The following PSMA1 variants were observed in gnomAD, a reference collection of about 807,000 sequenced individuals.
PSMA1 encodes the protein proteasome 20S subunit alpha 1.
Under a neutral mutation model 38.4 loss-of-function variants are expected in PSMA1, and 3 were observed. The ratio of observed to expected loss-of-function variants is 0.08; its 90% CI spans 0.04 to 0.20. The LOEUF is 0.20. Ranked by LOEUF, PSMA1 falls within the 10% of genes least tolerant of loss-of-function variation. The probability of loss-of-function intolerance (pLI) is 1.00; values close to 1 mark genes in which losing one functional copy is unlikely to be tolerated. For synonymous variants in PSMA1, 101 were observed against 107.1 expected, an observed-to-expected ratio of 0.94 and a Z score of 0.35; for missense variants, 227 against 325.3, an observed-to-expected ratio of 0.70 and a Z score of 2.32.
intron 2 of PSMA1, among the ~76,000 whole-genome samples, chr11:14,606,053 T>C (rs1852638796): frequency 6.6e-6 from 1 of 152,262 alleles, no homozygotes; most frequent in Admixed American, 6.5e-5. Flanking sequence ...TTAATTTCTG[T>C]ATATGGTAAA....
intron 2 of PSMA1, among the ~76,000 whole-genome samples, chr11:14,539,106 A>G (rs1158492047): frequency 6.6e-6 from 1 of 152,178 alleles, no homozygotes; most frequent in Non-Finnish European, 1.5e-5. Context: ...GGGAATTTCA[A>G]CAGAAGGTAA....
intron 2 of PSMA1, among the ~76,000 whole-genome samples, chr11:14,570,146 T>G (rs1382223505): frequency 6.6e-6 from 1 of 152,124 alleles, no homozygotes; most frequent in Non-Finnish European, 1.5e-5. Flanking sequence ...CAGCTGAGGG[T>G]CCTGACTGTT....
At chr11:14,615,339 T>G (rs1188368315) in intron 1 of PSMA1, among the ~76,000 whole-genome samples, 3 of 152,206 alleles carry the variant, frequency 2.0e-5, no homozygotes, top group Non-Finnish European at 4.4e-5. Flanking sequence ...TCCTCAGAGG[T>G]TGACCTCTTT....
intron 2 of PSMA1, among the ~76,000 whole-genome samples, chr11:14,571,173 C>T (rs986574608): frequency 6.6e-6 from 1 of 152,216 alleles, no homozygotes; most frequent in African/African-American, 2.4e-5. Context: ...CGCCATTCTC[C>T]TGCCTCAGCC....
intron 2 of PSMA1, among the ~76,000 whole-genome samples, chr11:14,565,692 A>G (rs78695627): frequency 0.068 from 10,289 of 152,274 alleles, 447 homozygotes; most frequent in East Asian, 0.13. Flanking sequence ...AAAGATCTCT[A>G]TCTTTGTGGA....
At chr11:14,515,126 C>T (rs1029778998) in intron 4 of PSMA1, among the ~76,000 whole-genome samples, 21 of 152,178 alleles carry the variant, frequency 1.4e-4, no homozygotes, top group African/African-American at 5.1e-4. Flanking sequence ...CTCAATGTTG[C>T]TTTGTCCAGT....
chr11:14,635,162 G>T (rs1853095886), intron 1 of PSMA1, among the ~76,000 whole-genome samples: 1 of 152,072 alleles, frequency 6.6e-6, no homozygotes, highest in Non-Finnish European at 1.5e-5. Context: ...AAAAAGGAGG[G>T]TCTCTAAGGA....
At chr11:14,641,846 T>C (rs1050956704) in intron 1 of PSMA1, among the ~76,000 whole-genome samples, 1 of 152,222 alleles carries the variant, frequency 6.6e-6, no homozygotes, top group Non-Finnish European at 1.5e-5. Context: ...TAAGGATGCC[T>C]ATGTATTTTT....
chr11:14,561,248 A>G (rs1040919936), intron 2 of PSMA1, among the ~76,000 whole-genome samples: 5 of 152,206 alleles, frequency 3.3e-5, no homozygotes, highest in African/African-American at 1.2e-4. Context: ...ATTTTCCTTC[A>G]CCATGCTGAC....
intron 7 of PSMA1, among the ~76,000 whole-genome samples, chr11:14,511,272 A>G (rs189639694): frequency 2.0e-5 from 3 of 152,314 alleles, no homozygotes; most frequent in East Asian, 3.9e-4. Flanking sequence ...CCTAGTCCTT[A>G]TATTTGCTCA....
chr11:14,572,251 C>T (rs527399265), intron 2 of PSMA1, among the ~76,000 whole-genome samples: 1 of 152,184 alleles, frequency 6.6e-6, no homozygotes, highest in East Asian at 1.9e-4. Flanking sequence ...CAAAATTGAC[C>T]ACATATTTGG....
chr11:14,592,178 C>A (rs959983086), intron 2 of PSMA1, among the ~76,000 whole-genome samples: 1 of 152,054 alleles, frequency 6.6e-6, no homozygotes, highest in Admixed American at 6.6e-5. Flanking sequence ...AAACTCCAGA[C>A]GCGCCACCTT....
At position 14,517,997 on chromosome 11, in the gene PSMA1, A is replaced by G; in HGVS notation, c.49-16T>C. The stretch of plus-strand genomic sequence containing the variant: ...GAATCCTGCCCTAAAGAAAAAAAAA[A>G]CAAAAAACACACATCTTAGAAGATC... On this transcript the variant is annotated splice_polypyrimidine_tract_variant and intron_variant, in intron 2 of 9. Transcript: ENST00000396394. The G allele has an allele frequency of 1.3e-6, 2 of 1,505,184 alleles. No individual in the cohort carries two copies. Among genetic ancestry groups the G allele is most frequent in the Middle Eastern group, 1.8e-4 (1 of 5,684 alleles). 93.2% of individuals were successfully genotyped at this position (1,505,184 alleles called of 1,614,324 possible).
At chr11:14,549,424 G>A (rs537496292) in intron 2 of PSMA1, among the ~76,000 whole-genome samples, 106 of 152,142 alleles carry the variant, frequency 7.0e-4, no homozygotes, top group African/African-American at 2.0e-3. Context: ...ATTCTTGGCC[G>A]GGCGTGGTGG....
At chr11:14,509,992 G>C (rs1589977086) in intron 8 of PSMA1, among the ~76,000 whole-genome samples, 1 of 152,168 alleles carries the variant, frequency 6.6e-6, no homozygotes, top group Non-Finnish European at 1.5e-5. Context: ...CAAAGTGCTG[G>C]GATTACAGGC....
intron 2 of PSMA1, among the ~76,000 whole-genome samples, chr11:14,587,219 T>A (rs1233076241): frequency 6.6e-6 from 1 of 152,206 alleles, no homozygotes; most frequent in Non-Finnish European, 1.5e-5. Context: ...CTTGATAGGT[T>A]AAAGCAATGA....
At chr11:14,505,393 T>G in intron 9 of PSMA1, 145 bp from the exon 10 acceptor site, 1 of 702,602 alleles carries the variant, frequency 1.4e-6, no homozygotes, top group East Asian at 2.7e-5. Flanking sequence ...ACTGTCCTGT[T>G]AACATTTCTG....
chr11:14,550,381 C>T (rs140649826), intron 2 of PSMA1, among the ~76,000 whole-genome samples: 2 of 152,128 alleles, frequency 1.3e-5, no homozygotes, highest in Non-Finnish European at 2.9e-5. Flanking sequence ...TCATATACTG[C>T]CTTTGGAATC....
chr11:14,588,416 A>G (rs1852374266), intron 2 of PSMA1, among the ~76,000 whole-genome samples: 2 of 152,168 alleles, frequency 1.3e-5, no homozygotes, highest in Non-Finnish European at 2.9e-5. Flanking sequence ...GCTGCTGGGT[A>G]TGGACTTGAT....
Sources: allele counts gnomAD v4.1 joint callset (sites outside exome capture counted in the v4.1 genomes callset), GRCh38; gene constraint gnomAD v4.1.1; transcripts MANE v1.5; gene names NCBI Gene and HGNC (gene_info 2026-07-23, HGNC 2026-07-21).